SLC24A2: variants seen among roughly 807,000 people sequenced by gnomAD.
SLC24A2 encodes the protein sodium/potassium/calcium exchanger 2.
SLC24A2 carries 36 observed loss-of-function variants against 62.0 expected under a neutral mutation model. The ratio of observed to expected loss-of-function variants is 0.58; its 90% CI spans 0.44 to 0.77. The LOEUF is 0.77. Among genes scored for constraint, SLC24A2 ranks in the 30% least tolerant of loss-of-function variants. SLC24A2 has a pLI of 0.00. For synonymous variants in SLC24A2, 358 were observed against 294.0 expected (o/e 1.22, Z -2.23); for missense variants, 846 against 817.9 (o/e 1.03, Z -0.42).
At chr9:20,261,568 C>T in the SLC24A2 span, among the ~76,000 whole-genome samples, 1 of 152,156 alleles carries the variant, frequency 6.6e-6, no homozygotes, top group Non-Finnish European at 1.5e-5. Context: ...CCCCACCACC[C>T]AACACTGCTG....
the SLC24A2 span, among the ~76,000 whole-genome samples, chr9:20,064,876 C>T: frequency 6.6e-6 from 1 of 152,100 alleles, no homozygotes. Flanking sequence ...TGTGAGAATC[C>T]CACTGGAATG....
chr9:19,624,735 G>A (rs185785807), intron 2 of SLC24A2, among the ~76,000 whole-genome samples: 1 of 152,256 alleles, frequency 6.6e-6, no homozygotes, highest in South Asian at 2.1e-4. Context: ...AAATGGCAGC[G>A]GAGGCCATTA....
chr9:19,752,989 G>C (rs1822030548), intron 2 of SLC24A2, among the ~76,000 whole-genome samples: 1 of 152,164 alleles, frequency 6.6e-6, no homozygotes, highest in African/African-American at 2.4e-5. Flanking sequence ...GCAGATGCAA[G>C]AAAAATGCAA....
chr9:20,231,936 T>C, the SLC24A2 span, among the ~76,000 whole-genome samples: 1 of 152,246 alleles, frequency 6.6e-6, no homozygotes. Context: ...TGAGAGTTTT[T>C]AGCATGAACG....
intron 7 of SLC24A2, 67 bp from the exon 8 acceptor site, chr9:19,550,335 G>C (rs531334877): frequency 4.1e-5 from 62 of 1,530,154 alleles, no homozygotes; most frequent in Non-Finnish European, 5.4e-5. Context: ...ACAACAACAG[G>C]AGCACAGAAC....
intron 2 of SLC24A2, among the ~76,000 whole-genome samples, chr9:19,680,352 C>A (rs1819684490): frequency 6.6e-6 from 1 of 152,112 alleles, no homozygotes; most frequent in Admixed American, 6.6e-5. Flanking sequence ...TCAGGGCACA[C>A]AGAGAGAAGA....
chr9:20,185,300 A>G, the SLC24A2 span, among the ~76,000 whole-genome samples: 1 of 152,228 alleles, frequency 6.6e-6, no homozygotes, highest in African/African-American at 2.4e-5. Flanking sequence ...CAATGCATCC[A>G]TATTTCAAAA....
At chr9:19,970,769 G>C in the SLC24A2 span, among the ~76,000 whole-genome samples, 1 of 152,132 alleles carries the variant, frequency 6.6e-6, no homozygotes. Flanking sequence ...GAGAAAAAAA[G>C]TATTCTACAG....
chr9:19,541,934 A>G (rs1371097243), intron 8 of SLC24A2, among the ~76,000 whole-genome samples: 1 of 152,192 alleles, frequency 6.6e-6, no homozygotes, highest in Non-Finnish European at 1.5e-5. Flanking sequence ...GCCGGTCTGA[A>G]AAGCGCAATA....
At chr9:20,251,942 C>CACGACATCTTTCCCAG in the SLC24A2 span, among the ~76,000 whole-genome samples, 1 of 152,206 alleles carries the variant, frequency 6.6e-6, no homozygotes. Context: ...CTTACTGAAA[C>CACGACATCTTTCCCAG]ACGACATCTT....
chr9:19,651,574 T>C (rs201962254), intron 2 of SLC24A2, among the ~76,000 whole-genome samples: 1 of 143,224 alleles, frequency 7.0e-6, no homozygotes, highest in Non-Finnish European at 1.5e-5. Context: ...ATCAATTTCT[T>C]TCTCTCTTTT....
At chr9:19,682,247 T>A (rs923239497) in intron 2 of SLC24A2, among the ~76,000 whole-genome samples, 4 of 152,286 alleles carry the variant, frequency 2.6e-5, no homozygotes, top group Non-Finnish European at 5.9e-5. Context: ...AGAGTCTCAA[T>A]GTCTAAGGCA....
At chr9:20,005,928 G>C in the SLC24A2 span, among the ~76,000 whole-genome samples, 6 of 150,468 alleles carry the variant, frequency 4.0e-5, no homozygotes, top group African/African-American at 1.5e-4. Flanking sequence ...CCCAAAGTGA[G>C]GGTAGGGCAT....
the SLC24A2 span, among the ~76,000 whole-genome samples, chr9:20,216,268 G>T: frequency 1.3e-5 from 2 of 152,210 alleles, no homozygotes; most frequent in Non-Finnish European, 2.9e-5. Context: ...AGCAGTAGAT[G>T]AAAAGGATGA....
chr9:20,253,666 G>A, the SLC24A2 span, among the ~76,000 whole-genome samples: 14,450 of 152,202 alleles, frequency 0.095, 769 homozygotes, highest in East Asian at 0.21. Context: ...TTATTAGCTC[G>A]CCAGGTGATT....
At chr9:19,968,093 C>T in the SLC24A2 span, 1 of 152,158 alleles carries the variant, frequency 6.6e-6, no homozygotes, top group East Asian at 1.9e-4. Flanking sequence ...ATAATTTTAT[C>T]TACCTTATAG....
At chr9:19,618,403 G>A (rs1817823431) in intron 4 of SLC24A2, among the ~76,000 whole-genome samples, 1 of 152,182 alleles carries the variant, frequency 6.6e-6, no homozygotes, top group Non-Finnish European at 1.5e-5. Context: ...GACCTGTGGA[G>A]GAAGGCTTCT....
At chr9:19,877,220 G>C in the SLC24A2 span, among the ~76,000 whole-genome samples, 1 of 150,806 alleles carries the variant, frequency 6.6e-6, no homozygotes, top group Non-Finnish European at 1.5e-5. Flanking sequence ...ATCAGAGGAA[G>C]AACAATTCTT....
At chr9:20,049,045 T>A in the SLC24A2 span, among the ~76,000 whole-genome samples, 1 of 152,210 alleles carries the variant, frequency 6.6e-6, no homozygotes, top group Non-Finnish European at 1.5e-5. Context: ...ACTCGTTTTA[T>A]CAGCAATCCA....
Sources: allele counts gnomAD v4.1 joint callset (sites outside exome capture counted in the v4.1 genomes callset), GRCh38; gene constraint gnomAD v4.1.1; transcripts MANE v1.5; gene names NCBI Gene and HGNC (gene_info 2026-07-23, HGNC 2026-07-21).